SYNE2: variants seen among roughly 807,000 people sequenced by gnomAD.
SYNE2 encodes the protein spectrin repeat containing nuclear envelope protein 2, also known as nesprin-2.
A neutral mutation model predicts 856.3 loss-of-function variants in SYNE2; 431 were observed. The observed-to-expected ratio is 0.50, with a 90% CI of 0.47 to 0.55. The LOEUF is 0.55. Ranked by LOEUF, SYNE2 falls within the 20% of genes least tolerant of loss-of-function variation. SYNE2 has a pLI of 0.00. For missense variants in SYNE2, 8,129 were observed against 8,023.2 expected, an observed-to-expected ratio of 1.01 and a Z score of -0.50; for synonymous variants, 2,923 against 2,872.3, an observed-to-expected ratio of 1.02 and a Z score of -0.56.
chr14:64,164,087 C>CTTGCTTATTTATTTAT (rs368903265), intron 89 of SYNE2, among the ~76,000 whole-genome samples: 62 of 137,838 alleles, frequency 4.5e-4, no homozygotes, highest in Non-Finnish European at 8.5e-4. Flanking sequence ...GCCTGGCTTG[C>CTTGCTTATTTATTTAT]TTATTTATTT....
At chr14:63,828,585 G>A (rs1340754031) in intron 1 of SYNE2, among the ~76,000 whole-genome samples, 1 of 152,058 alleles carries the variant, frequency 6.6e-6, no homozygotes, top group Non-Finnish European at 1.5e-5. Context: ...ATCAGCCTGG[G>A]GAACAAAGTG....
chr14:63,840,532 G>T, intron 1 of SYNE2, among the ~76,000 whole-genome samples: 1 of 139,292 alleles, frequency 7.2e-6, no homozygotes, highest in African/African-American at 2.7e-5. Context: ...TTTTTGAAAG[G>T]GGTCTCACTA....
At chr14:63,996,050 A>G (rs1028552724) in intron 23 of SYNE2, among the ~76,000 whole-genome samples, 2 of 152,144 alleles carry the variant, frequency 1.3e-5, no homozygotes, top group African/African-American at 4.8e-5. Context: ...CTCACTGACT[A>G]GTAGATATCA....
intron 12 of SYNE2, 77 bp downstream of exon 12, chr14:63,976,804 A>C: frequency 1.4e-6 from 2 of 1,478,448 alleles, no homozygotes; most frequent in Non-Finnish European, 1.9e-6. Context: ...CTTTGTCCTA[A>C]AAAGAAGAGA....
At chr14:63,895,819 TAATTTCATTACAA>T (rs1304752924) in intron 1 of SYNE2, among the ~76,000 whole-genome samples, 43 of 150,952 alleles carry the variant, frequency 2.8e-4, no homozygotes, top group African/African-American at 7.8e-4. Context: ...TACATTTTTG[TAATTTCATTACAA>T]AATTTCATTA....
chr14:64,085,020 A>T, intron 57 of SYNE2: 1 of 702,244 alleles, frequency 1.4e-6, no homozygotes, highest in South Asian at 1.5e-5. Flanking sequence ...GGCTTCCCTC[A>T]GCATAAACAA....
intron 7 of SYNE2, among the ~76,000 whole-genome samples, chr14:63,952,115 G>T (rs1287892169): frequency 6.6e-6 from 1 of 152,180 alleles, no homozygotes; most frequent in East Asian, 1.9e-4. Flanking sequence ...TGAAACAGAT[G>T]AATCAGGCCC....
chr14:64,014,239 A>G (rs974117430), intron 32 of SYNE2, among the ~76,000 whole-genome samples: 1 of 152,220 alleles, frequency 6.6e-6, no homozygotes. Flanking sequence ...ATTCCATGGT[A>G]TAAATGTGTC....
At chr14:63,922,029 G>C (rs1225523923) in intron 2 of SYNE2, among the ~76,000 whole-genome samples, 3 of 152,036 alleles carry the variant, frequency 2.0e-5, no homozygotes, top group Non-Finnish European at 1.5e-5. Context: ...TTTGAGACAG[G>C]GTCTCACTTT....
intron 1 of SYNE2, among the ~76,000 whole-genome samples, chr14:63,876,580 C>G (rs971868352): frequency 3.9e-5 from 6 of 151,990 alleles, no homozygotes; most frequent in Non-Finnish European, 1.5e-5. Flanking sequence ...CTCCGCCTCC[C>G]AGGTTCATGC....
intron 1 of SYNE2, among the ~76,000 whole-genome samples, chr14:63,828,733 AAAAT>A (rs922718412): frequency 6.6e-5 from 10 of 152,118 alleles, no homozygotes; most frequent in South Asian, 2.1e-4. Context: ...TCCATCTCAA[AAAAT>A]AAATAAATAA....
chr14:63,766,835 A>T (rs1373939183), intron 1 of SYNE2, among the ~76,000 whole-genome samples: 1 of 152,172 alleles, frequency 6.6e-6, no homozygotes, highest in Non-Finnish European at 1.5e-5. Context: ...TAGCGGAATC[A>T]CTTAATGATA....
intron 65 of SYNE2, among the ~76,000 whole-genome samples, chr14:64,108,717 T>C (rs1437529148): frequency 6.6e-6 from 1 of 151,446 alleles, no homozygotes; most frequent in Admixed American, 6.6e-5. Context: ...AAATTGTTAC[T>C]CCTTTCTCTT....
At chr14:63,902,700 C>CT (rs952684849) in intron 1 of SYNE2, among the ~76,000 whole-genome samples, 104 of 146,194 alleles carry the variant, frequency 7.1e-4, no homozygotes, top group African/African-American at 9.0e-4. Flanking sequence ...TTGTTTTTTT[C>CT]TTTTTTTTTT....
intron 99 of SYNE2, among the ~76,000 whole-genome samples, chr14:64,195,415 G>A (rs940284081): frequency 5.3e-5 from 8 of 152,124 alleles, no homozygotes; most frequent in Non-Finnish European, 8.8e-5. Flanking sequence ...AAGGCCTGTC[G>A]TCCTTATTAA....
At chr14:63,930,316 G>T (rs1005363441) in intron 2 of SYNE2, among the ~76,000 whole-genome samples, 5 of 150,438 alleles carry the variant, frequency 3.3e-5, no homozygotes, top group Admixed American at 3.3e-4. Context: ...TGAGATGGTT[G>T]TACAGCTTTG....
chr14:64,159,013 T>G lies in SYNE2; in HGVS notation c.15963+218T>G, dbSNP rs72720358. Among the ~76,000 whole-genome samples, 555 of 152,318 alleles carry G rather than the reference T, an allele frequency of 3.6e-3. 3 individuals are homozygous for G. The highest frequency in any genetic ancestry group is 6.1e-3 in the Non-Finnish European group (414 of 68,036). On this transcript the variant is annotated intron_variant, in intron 86 of 115. Transcript: ENST00000555002. ...TGTTTGAATTTTGAGTTGAAAATGT[T>G]GAATCTTCCTTTATTTTCCATGTCC...
intron 1 of SYNE2, among the ~76,000 whole-genome samples, chr14:63,872,791 T>C (rs1001256158): frequency 3.3e-5 from 5 of 150,570 alleles, no homozygotes; most frequent in African/African-American, 4.9e-5. Context: ...AGATGATATG[T>C]AATTAATATT....
rs1405252352 is a variant in SYNE2, at chr14:64,126,794, A to G, written c.13904A>G (p.Asn4635Ser). ...TCCCTGAAAGCTGGCCTCGATTACA[A>G]CCGCAGTTACCAGGTATGATTCCGA... ...SKSLKAGLDY[N>S]RSYQNEIKRL... The change falls in exon 73 of 116, where the codon AAC becomes AGC. Residue 4635 changes from asparagine to serine, a missense_variant. Physicochemically the swap from Asn to Ser is conservative, Grantham distance 46. Coordinates refer to ENST00000555002, the MANE Select transcript of SYNE2 (RefSeq NM_182914.3). 2 of 1,611,454 alleles carry G rather than the reference A, an allele frequency of 1.2e-6. No individual in the cohort carries two copies. Among genetic ancestry groups the G allele is most frequent in the South Asian group, 1.1e-5 (1 of 91,084 alleles).
Sources: gnomAD v4.1 joint callset for allele counts (sites outside exome capture counted in the v4.1 genomes callset) on GRCh38, gnomAD v4.1.1 for gene constraint, MANE v1.5 for transcripts, NCBI Gene and HGNC (gene_info 2026-07-23, HGNC 2026-07-21) for gene names.